ABCA4: variants seen among roughly 807,000 people sequenced by gnomAD.
ABCA4 encodes the protein retinal-specific phospholipid-transporting ATPase ABCA4.
ABCA4 carries 196 observed loss-of-function variants against 263.7 expected under a neutral mutation model. The ratio of observed to expected loss-of-function variants is 0.74; its 90% CI spans 0.66 to 0.84. The LOEUF (loss-of-function observed/expected upper bound fraction) is 0.84, where lower values mean the gene tolerates loss of function less well. Among genes scored for constraint, ABCA4 ranks in the 40% least tolerant of loss-of-function variants. The pLI, the probability that ABCA4 is intolerant of heterozygous loss-of-function variation, is 0.00. For missense variants in ABCA4, 2,792 were observed against 2,855.1 expected (o/e 0.98, Z 0.50); for synonymous variants, 1,133 against 1,094.2 (o/e 1.04, Z -0.70).
At chr1:94,100,894 G>A (rs1044302825) in intron 5 of ABCA4, among the ~76,000 whole-genome samples, 3 of 152,196 alleles carry the variant, frequency 2.0e-5, no homozygotes, top group Non-Finnish European at 4.4e-5. Context: ...AAGGAGCCCC[G>A]GAACTGGATG....
At chr1:94,109,739 G>A (rs551336771) in intron 3 of ABCA4, among the ~76,000 whole-genome samples, 5 of 152,280 alleles carry the variant, frequency 3.3e-5, no homozygotes, top group East Asian at 1.9e-4. Context: ...CCTGAGCCCC[G>A]CCTTGCTGCC....
At chr1:94,041,130 A>G in intron 23 of ABCA4, 79 bp downstream of exon 23, 2 of 1,440,906 alleles carry the variant, frequency 1.4e-6, no homozygotes, top group African/African-American at 1.4e-5. Context: ...CTGTGTGAGT[A>G]GCCATGTCTG....
chr1:94,062,079 T>TG (rs1402276933), intron 13 of ABCA4, among the ~76,000 whole-genome samples: 3 of 152,192 alleles, frequency 2.0e-5, no homozygotes, highest in African/African-American at 7.2e-5. Context: ...AGGCAGGTCC[T>TG]GAGCTCATCC....
intron 4 of ABCA4, among the ~76,000 whole-genome samples, chr1:94,106,648 T>C (rs1662444336): frequency 6.6e-6 from 1 of 152,238 alleles, no homozygotes; most frequent in Non-Finnish European, 1.5e-5. Flanking sequence ...ATGCAGTTTG[T>C]AGAAGTTACT....
At chr1:94,029,091 T>A (rs185929208) in intron 30 of ABCA4, among the ~76,000 whole-genome samples, 4 of 136,880 alleles carry the variant, frequency 2.9e-5, no homozygotes, top group Non-Finnish European at 6.3e-5. Flanking sequence ...ACATTATCTG[T>A]GTTTATATCC....
chr1:94,002,536 C>T (rs756257215), intron 44 of ABCA4, among the ~76,000 whole-genome samples: 2 of 152,194 alleles, frequency 1.3e-5, no homozygotes, highest in African/African-American at 4.8e-5. Flanking sequence ...ACTGGCAGAT[C>T]GTGACAGTGC....
intron 4 of ABCA4, among the ~76,000 whole-genome samples, chr1:94,107,449 A>G (rs972916960): frequency 6.6e-6 from 1 of 152,210 alleles, no homozygotes; most frequent in African/African-American, 2.4e-5. Context: ...AGCCATCCAC[A>G]GAGGAGCCTA....
At chr1:94,111,217 ATT>A (rs1027610569) in intron 3 of ABCA4, among the ~76,000 whole-genome samples, 45 of 152,340 alleles carry the variant, frequency 3.0e-4, no homozygotes, top group African/African-American at 1.1e-3. Flanking sequence ...GGACCAAGAA[ATT>A]TTGTGCACGT....
chr1:94,097,888 T>A (rs1055995262), intron 6 of ABCA4, among the ~76,000 whole-genome samples: 1 of 152,194 alleles, frequency 6.6e-6, no homozygotes, highest in African/African-American at 2.4e-5. Context: ...TAGCTGGGAT[T>A]ACAGGCGCCC....
At chr1:94,031,253 G>T in intron 27 of ABCA4, 133 bp from the exon 28 acceptor site, 2 of 1,233,496 alleles carry the variant, frequency 1.6e-6, no homozygotes, top group Non-Finnish European at 2.3e-6. Context: ...AGAGGGTTGG[G>T]CTTCTGGGGG....
At chr1:94,049,972 C>G (rs1199898009) in intron 17 of ABCA4, among the ~76,000 whole-genome samples, 2 of 152,172 alleles carry the variant, frequency 1.3e-5, no homozygotes, top group East Asian at 3.9e-4. Context: ...CAGGAGGAAA[C>G]CACTGTCACC....
intron 13 of ABCA4, 67 bp downstream of exon 13, chr1:94,062,510 C>G: frequency 6.6e-7 from 1 of 1,523,032 alleles, no homozygotes. Context: ...CACCCCCAGC[C>G]CACCCCAGCC....
chr1:94,011,292 G>C lies in ABCA4; in HGVS notation c.5554C>G (p.Gln1852Glu), dbSNP rs531109296. 1 of 1,614,114 alleles carries C rather than the reference G, an allele frequency of 6.2e-7. No homozygotes were observed. The highest frequency in any genetic ancestry group is 1.3e-5 in the African/African-American group (1 of 75,036). Residue 1852 changes from glutamine to glutamate, a missense_variant, in exon 39 of 50, where the codon CAG becomes GAG. By Grantham distance (29) the Gln-to-Glu change is conservative. Transcript: ENST00000370225. The part of the protein sequence containing the change: ...GRGLIDLALS[Q>E]AVTDVYARFG... Reference sequence around the variant, plus strand: ...CGGGCATAGACATCTGTCACAGCCTGGCTCAGTGCAAGGTCAATGAGGCCC... The same window carrying C: ...CGGGCATAGACATCTGTCACAGCCTCGCTCAGTGCAAGGTCAATGAGGCCC...
rs760797960 is a variant in ABCA4 at position 94,031,996 on chromosome 1, A to G, written c.3910T>C (p.Leu1304=). Residue 1304 remains leucine, a synonymous_variant, in exon 27 of 50, where the codon TTG becomes CTG. Transcript: ENST00000370225. Reference sequence around the variant, plus strand: ...TGTCCAGCCTTCTCTCTGGGACCCAAGCAGGGGTGTCGGGGGTTGACGTTT... The same window carrying G: ...TGTCCAGCCTTCTCTCTGGGACCCAGGCAGGGGTGTCGGGGGTTGACGTTT... ...RENVNPRHPC[L]GPREKAGQTP... is the part of the protein sequence containing the mutation. The G allele has an allele frequency of 6.2e-7, 1 of 1,613,694 alleles. No homozygotes were observed. Among genetic ancestry groups the G allele is most frequent in the South Asian group, 1.1e-5 (1 of 91,036 alleles).
intron 44 of ABCA4, among the ~76,000 whole-genome samples, chr1:94,003,640 T>C (rs912376263): frequency 1.3e-5 from 2 of 152,200 alleles, no homozygotes; most frequent in East Asian, 1.9e-4. Context: ...AATTATATTA[T>C]TATTATTTTA....
chr1:94,107,749 G>T (rs1049530264), intron 4 of ABCA4, among the ~76,000 whole-genome samples: 3 of 152,008 alleles, frequency 2.0e-5, no homozygotes, highest in Admixed American at 6.5e-5. Flanking sequence ...CACCATGGCC[G>T]CATCTGGGGG....
At chr1:94,085,156 C>CAAAT (rs76593390) in intron 6 of ABCA4, among the ~76,000 whole-genome samples, 37,306 of 151,870 alleles carry the variant, frequency 0.25, 5,017 homozygotes, top group Non-Finnish European at 0.31. Flanking sequence ...TTTGTTAAAA[C>CAAAT]AAGTTCTTAC....
chr1:94,105,002 C>T (rs1662392719), intron 4 of ABCA4, among the ~76,000 whole-genome samples: 1 of 152,136 alleles, frequency 6.6e-6, no homozygotes, highest in Admixed American at 6.5e-5. Flanking sequence ...CACACATGCG[C>T]ACACATGCAC....
rs757557272 is a variant in ABCA4 at position 94,098,907 on chromosome 1, T to G, written c.655A>C (p.Arg219=). ...TAGCGCACCGTCTTTGCCCCGCGTC[T>G]CTGGCTGAAGATGATGAAGCGCTCC... The part of the protein sequence containing the change: ...LLERFIIFSQ[R]RGAKTVRYAL... The change falls in exon 6 of 50, where the codon AGA becomes CGA. Residue 219 remains arginine (R), a synonymous_variant. Coordinates refer to ENST00000370225, the MANE Select transcript of ABCA4 (RefSeq NM_000350.3). 2 of 1,613,816 alleles carry G rather than the reference T, an allele frequency of 1.2e-6. No homozygotes were observed. The highest frequency in any genetic ancestry group is 1.7e-6 in the Non-Finnish European group (2 of 1,180,040).
Sources: allele counts gnomAD v4.1 joint callset (sites outside exome capture counted in the v4.1 genomes callset), GRCh38; gene constraint gnomAD v4.1.1; transcripts MANE v1.5; gene names NCBI Gene and HGNC (gene_info 2026-07-23, HGNC 2026-07-21).